PHACTR1: variants seen among roughly 807,000 people sequenced by gnomAD.
The protein encoded by PHACTR1 is RPEL repeat containing 1.
In PHACTR1, 16 loss-of-function variants were observed where a neutral mutation model predicts 69.2. That is an observed-to-expected ratio of 0.23 (90% CI 0.16 to 0.35). The LOEUF (loss-of-function observed/expected upper bound fraction) is 0.35. Among genes scored for constraint, PHACTR1 ranks in the 10% least tolerant of loss-of-function variants. The pLI, the probability that PHACTR1 is intolerant of heterozygous loss-of-function variation, is 1.00. For synonymous variants in PHACTR1, 312 were observed against 284.5 expected (o/e 1.10, Z -0.97); for missense variants, 510 against 734.7 (o/e 0.69, Z 3.54).
At chr6:13,042,956 G>GT (rs373405095) in intron 4 of PHACTR1, among the ~76,000 whole-genome samples, 215 of 152,306 alleles carry the variant, frequency 1.4e-3, no homozygotes, top group African/African-American at 4.9e-3. Context: ...TCAACCTAGT[G>GT]TAAGTAAAAA....
intron 4 of PHACTR1, among the ~76,000 whole-genome samples, chr6:12,881,728 T>G (rs1783114824): frequency 6.6e-6 from 1 of 152,144 alleles, no homozygotes; most frequent in Non-Finnish European, 1.5e-5. Flanking sequence ...TGGAACACAG[T>G]AGGACTCGCG....
intron 4 of PHACTR1, among the ~76,000 whole-genome samples, chr6:12,828,593 T>G (rs1777062682): frequency 1.3e-5 from 2 of 152,144 alleles, no homozygotes; most frequent in Non-Finnish European, 1.5e-5. Flanking sequence ...AGGAGTTACA[T>G]GAGAATTTGA....
At chr6:13,278,403 C>A in intron 12 of PHACTR1, 74 bp downstream of exon 12, 1 of 1,371,736 alleles carries the variant, frequency 7.3e-7, no homozygotes, top group South Asian at 1.3e-5. Flanking sequence ...CCTCTGCTGG[C>A]CTCAGTGGCC....
rs1767932966 is a variant in PHACTR1 at position 13,217,941 on chromosome 6, C to G, written c.987-9875C>G. ...GGAAAGTGGCTGATTATTCTCTCTC[C>G]CCTCTGAAAACTCTCTTCATAACTT... is the stretch of plus-strand genomic sequence containing the variant. On this transcript the variant is annotated intron_variant, in intron 8 of 14. Coordinates refer to ENST00000332995, the MANE Select transcript of PHACTR1 (RefSeq NM_030948.6). Among the ~76,000 whole-genome samples the G allele has an allele frequency of 3.9e-5, 6 of 152,334 alleles. No homozygotes were observed. The South Asian group carries it at 1.2e-3, about 32-fold the overall frequency.
intron 4 of PHACTR1, among the ~76,000 whole-genome samples, chr6:12,893,402 ATTT>A (rs1171184151): frequency 6.6e-6 from 1 of 152,170 alleles, no homozygotes; most frequent in Non-Finnish European, 1.5e-5. Flanking sequence ...TCCATCAACA[ATTT>A]TTTTAAATGC....
Position 12,890,400 on chromosome 6 carries a change from C to T in PHACTR1, c.250+140610C>T, listed in dbSNP as rs572121643. ...AGAGGGAGCCTTTTCAGTTGCAAGG[C>T]GGACTATGAGCCTCCTCTCTTCAAA... On this transcript the variant is annotated intron_variant, in intron 4 of 14. Transcript: ENST00000332995. 5.3e-5 allele frequency among the ~76,000 whole-genome samples: 8 copies of T among 152,212 alleles called. No individual in the cohort carries two copies. In the South Asian group the frequency reaches 6.2e-4, roughly 12 times the overall value.
intron 5 of PHACTR1, among the ~76,000 whole-genome samples, chr6:13,092,296 G>T (rs547855025): frequency 6.6e-6 from 1 of 152,288 alleles, no homozygotes; most frequent in South Asian, 2.1e-4. Flanking sequence ...CTGGCTTAGG[G>T]CCTCCCAATT....
At chr6:12,881,493 C>G (rs1783089136) in intron 4 of PHACTR1, among the ~76,000 whole-genome samples, 1 of 152,112 alleles carries the variant, frequency 6.6e-6, no homozygotes, top group Admixed American at 6.5e-5. Flanking sequence ...TTGCTCCACT[C>G]CCTGGAATAC....
At chr6:12,764,775 G>A (rs1356649280) in intron 4 of PHACTR1, among the ~76,000 whole-genome samples, 2 of 152,216 alleles carry the variant, frequency 1.3e-5, no homozygotes, top group South Asian at 2.1e-4. Flanking sequence ...GGCTCCCACC[G>A]ATTTGCAATC....
chr6:13,274,728 T>G (rs1778532142), intron 11 of PHACTR1: 1 of 143,792 alleles, frequency 7.0e-6, no homozygotes, highest in Non-Finnish European at 1.5e-5. Context: ...CTACAGGTCC[T>G]TTGAGCTTGG....
At chr6:12,749,902 G>T (rs2127596019) in intron 4 of PHACTR1, 112 bp downstream of exon 4, 3 of 1,045,816 alleles carry the variant, frequency 2.9e-6, no homozygotes, top group South Asian at 3.4e-5. Flanking sequence ...GCAGTCGGGC[G>T]CTCAGCACTC....
chr6:13,256,551 G>A (rs1436139631), intron 10 of PHACTR1, among the ~76,000 whole-genome samples: 1 of 152,166 alleles, frequency 6.6e-6, no homozygotes. Flanking sequence ...TTTTGCTCAT[G>A]CATGTCAGCA....
rs147395943 is a variant in PHACTR1 at position 13,167,459 on chromosome 6, A to G, written c.496+7175A>G. 2.5e-3 allele frequency among the ~76,000 whole-genome samples: 377 copies of G among 152,242 alleles called. 3 individuals carry two copies. Among genetic ancestry groups the G allele is most frequent in the African/African-American group, 8.7e-3 (361 of 41,534 alleles). On this transcript the variant is annotated intron_variant, in intron 6 of 14. Coordinates refer to ENST00000332995, the MANE Select transcript of PHACTR1 (RefSeq NM_030948.6). The stretch of plus-strand genomic sequence containing the variant: ...CTTCTCTACCATCCGATGAAATGAC[A>G]TTTTCCCTGCATGTTAGACAATTCC...
At chr6:12,783,709 C>T (rs1433275579) in intron 4 of PHACTR1, among the ~76,000 whole-genome samples, 1 of 152,180 alleles carries the variant, frequency 6.6e-6, no homozygotes, top group African/African-American at 2.4e-5. Context: ...TTATTGCCTC[C>T]TTTTCACAAA....
intron 4 of PHACTR1, among the ~76,000 whole-genome samples, chr6:12,899,783 C>T (rs760238200): frequency 2.6e-5 from 4 of 152,220 alleles, no homozygotes; most frequent in Non-Finnish European, 5.9e-5. Context: ...TATGACATTA[C>T]GATTGATCAA....
At chr6:12,996,159 T>G (rs541642325) in intron 4 of PHACTR1, among the ~76,000 whole-genome samples, 1 of 151,986 alleles carries the variant, frequency 6.6e-6, no homozygotes, top group African/African-American at 2.4e-5. Context: ...GTCAACTCAA[T>G]AAATATGAAA....
intron 5 of PHACTR1, among the ~76,000 whole-genome samples, chr6:13,157,207 G>C (rs964549247): frequency 2.0e-5 from 3 of 152,116 alleles, no homozygotes; most frequent in Non-Finnish European, 4.4e-5. Flanking sequence ...TCTATCTGGA[G>C]CATTTCCCTT....
chr6:12,944,534 T>G (rs1046816860), intron 4 of PHACTR1, among the ~76,000 whole-genome samples: 1 of 152,206 alleles, frequency 6.6e-6, no homozygotes, highest in East Asian at 1.9e-4. Context: ...ATAAACTTCC[T>G]TATTCTGACT....
At chr6:13,118,960 G>A (rs761323526) in intron 5 of PHACTR1, among the ~76,000 whole-genome samples, 1 of 152,132 alleles carries the variant, frequency 6.6e-6, no homozygotes, top group Non-Finnish European at 1.5e-5. Context: ...CTAATGCTAG[G>A]AACTATTGAG....
Sources: gnomAD v4.1 joint callset for allele counts (sites outside exome capture counted in the v4.1 genomes callset) on GRCh38, gnomAD v4.1.1 for gene constraint, MANE v1.5 for transcripts, NCBI Gene and HGNC (gene_info 2026-07-23, HGNC 2026-07-21) for gene names.